ASIC1: variants seen among roughly 807,000 people sequenced by gnomAD.
ASIC1 encodes acid-sensing ion channel 1.
ASIC1 carries 21 observed loss-of-function variants against 63.4 expected under a neutral mutation model. The observed-to-expected ratio is 0.33, with a 90% CI of 0.23 to 0.48. ASIC1 has a LOEUF of 0.48. Ranked by LOEUF, ASIC1 falls within the 20% of genes least tolerant of loss-of-function variation. The pLI is 0.99. For missense variants in ASIC1, 478 were observed against 695.5 expected (o/e 0.69, Z 3.52); for synonymous variants, 258 against 278.2 (o/e 0.93, Z 0.72).
rs936112783 is a variant in ASIC1, at chr12:50,078,772, C to A, written c.995-152C>A. The A allele has an allele frequency of 4.0e-5, 52 of 1,309,256 alleles. 1 individual carries two copies. The highest frequency in any genetic ancestry group is 5.5e-5 in the Non-Finnish European group (50 of 912,436). 81.1% of individuals were successfully genotyped at this position (1,309,256 alleles called of 1,614,324 possible). On this transcript the variant is annotated intron_variant, in intron 6 of 11. Transcript: ENST00000447966. The surrounding 1 kb of genome is among the most constrained non-coding windows in gnomAD (Gnocchi z 6.0). ...GTGGGAAGGGTCTAGAAGGTATGGA[C>A]CTGGAGTGGGTCACTTCTGGGGCAG...
chr12:50,070,000 T>G (rs549121369), intron 3 of ASIC1, among the ~76,000 whole-genome samples: 1 of 152,204 alleles, frequency 6.6e-6, no homozygotes, highest in Admixed American at 6.5e-5. Context: ...TTTCACTGGG[T>G]TGTGTGAGGA....
In ASIC1 at chr12:50,078,319, G is replaced by A; in HGVS notation, c.838-102G>A. 1 of 1,536,000 alleles carries A rather than the reference G, an allele frequency of 6.5e-7. No individual in the cohort carries two copies. Among genetic ancestry groups the A allele is most frequent in the Non-Finnish European group, 8.8e-7 (1 of 1,130,066 alleles). On this transcript the variant is annotated intron_variant, in intron 5 of 11. Coordinates refer to ENST00000447966, the MANE Select transcript of ASIC1 (RefSeq NM_001095.4). The surrounding 1 kb of genome is among the most constrained non-coding windows in gnomAD (Gnocchi z 6.0). ...GACCTTTGGAGGCTGCAGAGGGAGA[G>A]GGGAGCAGAACTCCAGAGATCTGCA...
At chr12:50,077,601 G>A (rs79039863) in intron 4 of ASIC1, among the ~76,000 whole-genome samples, 4,721 of 151,628 alleles carry the variant, frequency 0.031, 260 homozygotes, top group African/African-American at 0.11. Flanking sequence ...CAACGCCGCC[G>A]CCACTCTATA....
intron 3 of ASIC1, among the ~76,000 whole-genome samples, chr12:50,069,200 AC>A (rs1214016444): frequency 9.3e-5 from 13 of 139,346 alleles, no homozygotes; most frequent in African/African-American, 3.3e-4. Flanking sequence ...GTGCACACAC[AC>A]AAATATATAC....
Position 50,059,481 on chromosome 12 carries a change from C to T in ASIC1, c.363-278C>T, listed in dbSNP as rs1486822951. 1.3e-5 allele frequency among the ~76,000 whole-genome samples: 2 copies of T among 152,202 alleles called. No individual in the cohort carries two copies. The highest frequency in any genetic ancestry group is 1.9e-4 in the East Asian group (1 of 5,196). On this transcript the variant is annotated intron_variant, in intron 2 of 11. Transcript: ENST00000447966. The surrounding 1 kb of genome is among the most constrained non-coding windows in gnomAD (Gnocchi z 4.6). Reference sequence around the variant, plus strand: ...GAACATCTTTAAAGGGTAGAAACTACAGTATAAAAGCCACAGCCCCTGCCT... The same window carrying T: ...GAACATCTTTAAAGGGTAGAAACTATAGTATAAAAGCCACAGCCCCTGCCT...
Position 50,059,259 on chromosome 12 carries a change from G to A in ASIC1, c.362+131G>A. The A allele has an allele frequency of 7.7e-7, 1 of 1,295,476 alleles. No individual in the cohort carries two copies. The highest frequency in any genetic ancestry group is 1.4e-5 in the South Asian group (1 of 69,420). 80.2% of individuals were successfully genotyped at this position (1,295,476 alleles called of 1,614,324 possible). ...TTAACCCACCCCCACCCCCAAACCT[G>A]CCACTCACAGCAGAGGAGTTAGGGT... On this transcript the variant is annotated intron_variant, in intron 2 of 11. Coordinates refer to ENST00000447966, the MANE Select transcript of ASIC1 (RefSeq NM_001095.4). This position sits in a 1 kb window ranked among gnomAD's most constrained non-coding sequence, Gnocchi z 4.6.
intron 3 of ASIC1, among the ~76,000 whole-genome samples, chr12:50,063,565 G>A (rs901089177): frequency 6.6e-6 from 1 of 152,172 alleles, no homozygotes; most frequent in Non-Finnish European, 1.5e-5. Flanking sequence ...GAATCCCTGG[G>A]AGGGGTCCAC....
chr12:50,069,090 C>G (rs1449126572), intron 3 of ASIC1, among the ~76,000 whole-genome samples: 1 of 152,072 alleles, frequency 6.6e-6, no homozygotes, highest in Non-Finnish European at 1.5e-5. Flanking sequence ...TCCAGCCACA[C>G]TTGCCCCTTC....
chr12:50,074,205 C>T lies in ASIC1; in HGVS notation c.559-3008C>T. The T allele has an allele frequency of 1.3e-6, 2 of 1,518,392 alleles. No individual in the cohort carries two copies. The highest frequency in any genetic ancestry group is 2.8e-5 in the African/African-American group (2 of 72,500). 94.1% of individuals were successfully genotyped at this position (1,518,392 alleles called of 1,614,324 possible). On this transcript the variant is annotated intron_variant, in intron 3 of 11. Coordinates refer to ENST00000447966, the MANE Select transcript of ASIC1 (RefSeq NM_001095.4). The surrounding 1 kb of genome is among the most constrained non-coding windows in gnomAD (Gnocchi z 4.2). Reference sequence around the variant, plus strand: ...TGGAGGACATGCTGCTCTATTGCTCCTACCAAGGGGGACCCTGCGGCCCTC... The same window carrying T: ...TGGAGGACATGCTGCTCTATTGCTCTTACCAAGGGGGACCCTGCGGCCCTC...
rs139960461 is a variant in ASIC1, at chr12:50,074,099, C to T, written c.559-3114C>T. The T allele has an allele frequency of 5.0e-5, 77 of 1,535,550 alleles. No individual in the cohort carries two copies. Among genetic ancestry groups the T allele is most frequent in the Non-Finnish European group, 6.5e-5 (75 of 1,146,566 alleles). On this transcript the variant is annotated intron_variant, in intron 3 of 11. Coordinates refer to ENST00000447966, the MANE Select transcript of ASIC1 (RefSeq NM_001095.4). The surrounding 1 kb of genome is among the most constrained non-coding windows in gnomAD (Gnocchi z 4.2). Reference sequence around the variant, plus strand: ...GATGAAAGTGATGACCCCGGGGTGCCCCTCGCTCCACCGGGCCCTGAGGCC... The same window carrying T: ...GATGAAAGTGATGACCCCGGGGTGCTCCTCGCTCCACCGGGCCCTGAGGCC...
In ASIC1 at chr12:50,078,874, C is replaced by T. The variant is rs529910047; in HGVS notation, c.995-50C>T. ...TAGGCCTTTGGTACTACCACCATCA[C>T]CAGACCCCTTGAATTCCCATCCTGC... On this transcript the variant is annotated intron_variant, in intron 6 of 11. Coordinates refer to ENST00000447966, the MANE Select transcript of ASIC1 (RefSeq NM_001095.4). The surrounding 1 kb of genome is among the most constrained non-coding windows in gnomAD (Gnocchi z 6.0). 179 of 1,588,664 alleles carry T rather than the reference C, an allele frequency of 1.1e-4. No homozygotes were observed. Among genetic ancestry groups the T allele is most frequent in the Admixed American group, 2.5e-4 (15 of 59,962 alleles).
At chr12:50,077,109 C>T (rs771332051) in intron 3 of ASIC1, 104 bp from the exon 4 acceptor site, 3 of 1,572,108 alleles carry the variant, frequency 1.9e-6, no homozygotes, top group Non-Finnish European at 1.7e-6. Flanking sequence ...AGGAACCATT[C>T]CCAAAGGGTG....
rs927596269 is a variant in ASIC1, at chr12:50,059,906, C to T, written c.510C>T (p.Leu170=). The stretch of plus-strand genomic sequence containing the variant: ...GGCACGACATTCGAGACATGCTGCT[C>T]TCCTGCCACTTCCGGGGGGAGGTCT... ...RAGHDIRDML[L]SCHFRGEVCS... Residue 170 remains leucine, a synonymous_variant, in exon 3 of 12, where the codon CTC becomes CTT. Coordinates refer to ENST00000447966, the MANE Select transcript of ASIC1 (RefSeq NM_001095.4). The surrounding 1 kb of genome is among the most constrained non-coding windows in gnomAD (Gnocchi z 4.6). The T allele has an allele frequency of 6.2e-7, 1 of 1,614,160 alleles. No homozygotes were observed. Among genetic ancestry groups the T allele is most frequent in the East Asian group, 2.2e-5 (1 of 44,886 alleles).
chr12:50,079,310 A>C (rs1369838040), intron 7 of ASIC1, among the ~76,000 whole-genome samples: 1 of 152,120 alleles, frequency 6.6e-6, no homozygotes. Flanking sequence ...GCTACTCTGG[A>C]GGCTGAGGTG....
At chr12:50,073,692 C>T in intron 3 of ASIC1, 2 of 1,536,482 alleles carry the variant, frequency 1.3e-6, no homozygotes, top group Non-Finnish European at 1.7e-6. Flanking sequence ...AGCAGGACAT[C>T]TCAGAATCGG....
intron 3 of ASIC1, among the ~76,000 whole-genome samples, chr12:50,066,429 G>A (rs1366590606): frequency 6.6e-6 from 1 of 152,152 alleles, no homozygotes; most frequent in Admixed American, 6.5e-5. Flanking sequence ...GGGCAAGAAA[G>A]GGTATAGAGA....
intron 3 of ASIC1, among the ~76,000 whole-genome samples, chr12:50,062,086 T>C (rs570300961): frequency 7.2e-5 from 11 of 152,266 alleles, no homozygotes; most frequent in Middle Eastern, 3.4e-3. Context: ...TCTGCTCTCT[T>C]CAGTTGGTTT....
chr12:50,077,418 C>A, intron 4 of ASIC1, 55 bp downstream of exon 4: 1 of 1,605,462 alleles, frequency 6.2e-7, no homozygotes, highest in South Asian at 1.1e-5. Flanking sequence ...CAGCCTCTGC[C>A]AGGGGATTCC....
rs1202358802 is a variant in ASIC1, at chr12:50,057,912, C to T, written c.-21C>T. The T allele has an allele frequency of 1.3e-5, 2 of 152,022 alleles. No homozygotes were observed. Among genetic ancestry groups the T allele is most frequent in the Non-Finnish European group, 2.9e-5 (2 of 68,038 alleles). The allele number at this position is 152,022 out of a possible 1,614,324, so 9.4% of individuals were successfully genotyped here. A position where few individuals can be genotyped will look rare whatever the true frequency, so the allele number is the denominator to read the frequency against. ...CCGGCTGCCGGCTTGCCGAAGCCCC[C>T]TCAGGTGGGTTTCCGATACCCCTGC... On this transcript the variant is annotated 5_prime_UTR_variant, in exon 1 of 12. Coordinates refer to ENST00000447966, the MANE Select transcript of ASIC1 (RefSeq NM_001095.4). The surrounding 1 kb of genome is among the most constrained non-coding windows in gnomAD (Gnocchi z 4.7).
Sources: allele counts gnomAD v4.1 joint callset (sites outside exome capture counted in the v4.1 genomes callset), GRCh38; gene constraint gnomAD v4.1.1; non-coding constraint Gnocchi (gnomAD v3.1); transcripts MANE v1.5; gene names NCBI Gene and HGNC (gene_info 2026-07-23, HGNC 2026-07-21).